The following NINL variants were observed in gnomAD, a reference collection of about 807,000 sequenced individuals.
NINL encodes ninein-like protein.
NINL carries 153 observed loss-of-function variants against 160.3 expected under a neutral mutation model. The observed-to-expected ratio is 0.95, with a 90% CI of 0.84 to 1.09. The LOEUF (loss-of-function observed/expected upper bound fraction) is 1.09. NINL is among the 50% of genes least tolerant of loss of function. The probability of loss-of-function intolerance (pLI) is 0.00; values close to 1 mark genes in which losing one functional copy is unlikely to be tolerated. For missense variants in NINL, 1,829 were observed against 1,764.0 expected, an observed-to-expected ratio of 1.04 and a Z score of -0.66; for synonymous variants, 800 against 734.8, an observed-to-expected ratio of 1.09 and a Z score of -1.43.
At chr20:25,531,074 C>A (rs2064450843) in intron 1 of NINL, among the ~76,000 whole-genome samples, 1 of 152,174 alleles carries the variant, frequency 6.6e-6, no homozygotes, top group African/African-American at 2.4e-5. Flanking sequence ...TAGAGGCCCA[C>A]CCTCAGGGAC....
chr20:25,539,608 T>C (rs1459798654), intron 1 of NINL, among the ~76,000 whole-genome samples: 1 of 152,192 alleles, frequency 6.6e-6, no homozygotes, highest in Non-Finnish European at 1.5e-5. Context: ...GAATCCCAGT[T>C]TCATGCTGCT....
chr20:25,463,900 G>A (rs554063487), intron 19 of NINL, among the ~76,000 whole-genome samples: 1 of 152,342 alleles, frequency 6.6e-6, no homozygotes, highest in African/African-American at 2.4e-5. Flanking sequence ...CAGGTTAAGA[G>A]AAGCTTCCAC....
Position 25,533,904 on chromosome 20 carries a change from T to A in NINL, c.-11-7306A>T, listed in dbSNP as rs116881167. ...TAAACAGAGAGAAAGCTTCATGATG[T>A]TGGATTTGGCAGTGATTTCTTAGAT... On this transcript the variant is annotated intron_variant, in intron 1 of 23. Coordinates refer to ENST00000278886, the MANE Select transcript of NINL (RefSeq NM_025176.6). 2.9e-3 allele frequency among the ~76,000 whole-genome samples: 448 copies of A among 152,344 alleles called. 15 individuals carry two copies. In the East Asian group the frequency reaches 0.079, roughly 27 times the overall value.
rs759958315 is a variant in NINL, at chr20:25,458,418, C to A, written c.3808G>T (p.Gly1270Ter). Residue 1270 changes from glycine to a stop codon, truncating the protein, a stop_gained, in exon 22 of 24, where the codon GGA (glycine) becomes TGA (stop). Coordinates refer to ENST00000278886, the MANE Select transcript of NINL (RefSeq NM_025176.6). LOFTEE classifies it high-confidence loss of function. Reference sequence around the variant, plus strand: ...TCCAGGCGCCTCCTGGCCTGCTCTCCCTGAAGGCTGAGCAGGCGATGCAGC... The same window carrying A: ...TCCAGGCGCCTCCTGGCCTGCTCTCACTGAAGGCTGAGCAGGCGATGCAGC... ...AELHRLLSLQ[G>*]EQARRRLDAQ... 6.2e-7 allele frequency: 1 copy of A among 1,606,858 alleles called. No individual in the cohort carries two copies. The highest frequency in any genetic ancestry group is 8.5e-7 in the Non-Finnish European group (1 of 1,179,976).
At chr20:25,581,572 T>C (rs2065175970) in intron 1 of NINL, among the ~76,000 whole-genome samples, 1 of 152,094 alleles carries the variant, frequency 6.6e-6, no homozygotes, top group South Asian at 2.1e-4. Flanking sequence ...AAAGAGTCAT[T>C]AGTGGTTTAA....
intron 13 of NINL, among the ~76,000 whole-genome samples, chr20:25,485,502 G>A (rs1044976535): frequency 6.6e-6 from 1 of 152,216 alleles, no homozygotes; most frequent in Non-Finnish European, 1.5e-5. Flanking sequence ...TGAAGGGTCA[G>A]GATGTGCATA....
At position 25,477,045 on chromosome 20, in the gene NINL, C is replaced by G. The variant is rs376982101; in HGVS notation, c.2246G>C (p.Gly749Ala). The change falls in exon 17 of 24, where the codon GGA becomes GCA. Residue 749 changes from glycine (G) to alanine (A), a missense_variant. Gly to Ala is a moderately conservative substitution (Grantham distance 60). Coordinates refer to ENST00000278886, the MANE Select transcript of NINL (RefSeq NM_025176.6). ...CAGGTCTCTGCGAGCGGGCAGGGCT[C>G]CCAGCCCCGACAGCTCTCCACTCAG... Reference protein sequence around the residue: ...AELSGELSGLGALPARRDLTL... With the variant: ...AELSGELSGLAALPARRDLTL... The G allele has an allele frequency of 4.6e-5, 73 of 1,598,670 alleles. No homozygotes were observed. Among genetic ancestry groups the G allele is most frequent in the Non-Finnish European group, 6.1e-5 (72 of 1,179,612 alleles).
In NINL at chr20:25,476,253, CTG is replaced by C. The variant is rs1427654279; in HGVS notation, c.3036_3037del (p.His1012GlnfsTer45). ...GGACCCTCTCCTGGCAACCTCCACA[CTG>C]TGCTTGTGACACCCAGGCTCCAGGG... On this transcript the variant is annotated frameshift_variant, in exon 17 of 24. Coordinates refer to ENST00000278886, the MANE Select transcript of NINL (RefSeq NM_025176.6). LOFTEE classifies it high-confidence loss of function. 6.2e-7 allele frequency: 1 copy of C among 1,613,964 alleles called. No individual in the cohort carries two copies. Among genetic ancestry groups the C allele is most frequent in the South Asian group, 1.1e-5 (1 of 91,082 alleles).
chr20:25,549,390 C>G (rs188529200), intron 1 of NINL, among the ~76,000 whole-genome samples: 8 of 151,944 alleles, frequency 5.3e-5, no homozygotes, highest in Non-Finnish European at 8.8e-5. Flanking sequence ...GCTCCCACAC[C>G]CAGCCTCACC....
At chr20:25,495,527 C>T (rs531497995) in intron 10 of NINL, among the ~76,000 whole-genome samples, 88 of 152,338 alleles carry the variant, frequency 5.8e-4, no homozygotes, top group Admixed American at 1.3e-3. Flanking sequence ...AGGGCCAGGA[C>T]TGCAGCCTCG....
chr20:25,482,339 CT>C (rs997054560), intron 13 of NINL, among the ~76,000 whole-genome samples: 22 of 152,208 alleles, frequency 1.4e-4, no homozygotes, highest in Admixed American at 2.6e-4. Context: ...TTTATTTTTA[CT>C]GTATTTTATT....
intron 14 of NINL, chr20:25,481,733 G>A: frequency 1.7e-6 from 1 of 587,622 alleles, no homozygotes; most frequent in Admixed American, 3.1e-5. Context: ...GCCAGCCCTG[G>A]GGCTGCCCAC....
chr20:25,553,077 C>T (rs1189620415), intron 1 of NINL, among the ~76,000 whole-genome samples: 1 of 145,484 alleles, frequency 6.9e-6, no homozygotes, highest in Non-Finnish European at 1.5e-5. Flanking sequence ...CCCACTATGC[C>T]TGGAAGTTAC....
At chr20:25,498,581 C>G (rs2063806150) in intron 8 of NINL, among the ~76,000 whole-genome samples, 1 of 152,186 alleles carries the variant, frequency 6.6e-6, no homozygotes, top group African/African-American at 2.4e-5. Context: ...GTGCGTAGGC[C>G]CAGGCTAGAC....
chr20:25,554,641 A>AAAACAAAACAAAAC (rs1568963320), intron 1 of NINL, among the ~76,000 whole-genome samples: 2 of 110,464 alleles, frequency 1.8e-5, no homozygotes, highest in African/African-American at 8.5e-5. Context: ...AAAAACAAAA[A>AAAACAAAACAAAAC]AAAAAAAAAA....
Position 25,526,419 on chromosome 20 carries a change from G to A in NINL, c.169C>T (p.His57Tyr). ...VLLQTLLGNDHFARVNFEEFK... is the reference protein window; with the variant it reads ...VLLQTLLGNDYFARVNFEEFK... ...AGTCCAACACTCACCCTGGCGAAAT[G>A]GTCGTTTCCGAGAAGCGTCTGCAGG... Residue 57 changes from histidine (H) to tyrosine (Y), a missense_variant, in exon 2 of 24, where the codon CAT becomes TAT. Physicochemically the swap from His to Tyr is moderately conservative, Grantham distance 83 (BLOSUM62 2). Coordinates refer to ENST00000278886, the MANE Select transcript of NINL (RefSeq NM_025176.6). The A allele has an allele frequency of 1.2e-6, 2 of 1,611,278 alleles. No individual in the cohort carries two copies. The highest frequency in any genetic ancestry group is 1.7e-6 in the Non-Finnish European group (2 of 1,177,886).
At chr20:25,545,413 C>T (rs566314535) in intron 1 of NINL, among the ~76,000 whole-genome samples, 1 of 152,184 alleles carries the variant, frequency 6.6e-6, no homozygotes. Flanking sequence ...CTAAAGTCTC[C>T]CCTTTTCATA....
chr20:25,506,368 T>G (rs1326110736), intron 5 of NINL, among the ~76,000 whole-genome samples: 1 of 152,062 alleles, frequency 6.6e-6, no homozygotes, highest in Non-Finnish European at 1.5e-5. Context: ...GAGCAAAGAG[T>G]AAAGTGAAGC....
intron 7 of NINL, among the ~76,000 whole-genome samples, chr20:25,501,347 CT>C (rs2063864058): frequency 6.6e-6 from 1 of 152,266 alleles, no homozygotes; most frequent in African/African-American, 2.4e-5. Context: ...ACGTTCCACC[CT>C]TGAATTCACA....
Sources: allele counts gnomAD v4.1 joint callset (sites outside exome capture counted in the v4.1 genomes callset), GRCh38; gene constraint gnomAD v4.1.1; transcripts MANE v1.5; gene names NCBI Gene and HGNC (gene_info 2026-07-23, HGNC 2026-07-21).